The following PADI1 variants were observed in gnomAD, a reference collection of about 807,000 sequenced individuals.
The protein encoded by PADI1 is protein-arginine deiminase type-1.
Under a neutral mutation model 74.8 loss-of-function variants are expected in PADI1, and 65 were observed. The observed-to-expected ratio is 0.87, with a 90% CI of 0.71 to 1.07. The LOEUF (loss-of-function observed/expected upper bound fraction) is 1.07, where lower values mean the gene tolerates loss of function less well. Ranked by LOEUF, PADI1 falls within the 50% of genes least tolerant of loss-of-function variation. The pLI, the probability that PADI1 is intolerant of heterozygous loss-of-function variation, is 0.00. For missense variants in PADI1, 943 were observed against 854.0 expected (o/e 1.10, Z -1.30); for synonymous variants, 371 against 336.2 (o/e 1.10, Z -1.13).
At chr1:17,238,919 G>A (rs3763583) in intron 13 of PADI1, among the ~76,000 whole-genome samples, 1 of 152,100 alleles carries the variant, frequency 6.6e-6, no homozygotes, top group Non-Finnish European at 1.5e-5. Flanking sequence ...GAGTGCCCCA[G>A]GTGCCGGTCA....
At chr1:17,205,400 T>C in intron 1 of PADI1, 91 bp downstream of exon 1, 8 of 932,162 alleles carry the variant, frequency 8.6e-6, no homozygotes, top group Non-Finnish European at 1.4e-5. Context: ...GTCAGGCACG[T>C]TGGAAAGGAT....
At chr1:17,239,502 G>A (rs1423279089) in intron 13 of PADI1, 2 of 547,210 alleles carry the variant, frequency 3.7e-6, no homozygotes, top group Non-Finnish European at 3.3e-6. Context: ...TTCCTGAGGG[G>A]TTCCTTATCC....
In PADI1 at chr1:17,228,821, C is replaced by G. The variant is rs2977233; in HGVS notation, c.825+24C>G. ...GGGTGTGTACAGCACTGGGGGGTGGCCAAGGAGGCTGAGGGGTTTGGGGGC... is the reference window on the plus strand; with the variant it reads ...GGGTGTGTACAGCACTGGGGGGTGGGCAAGGAGGCTGAGGGGTTTGGGGGC... On this transcript the variant is annotated intron_variant, in intron 7 of 15. Coordinates refer to ENST00000375471, the MANE Select transcript of PADI1 (RefSeq NM_013358.3). 604,003 of 1,609,728 alleles carry G rather than the reference C, an allele frequency of 0.38. 115,740 individuals carry two copies. Among genetic ancestry groups the G allele is most frequent in the Middle Eastern group, 0.47 (2,658 of 5,648 alleles).
At chr1:17,220,674 G>C (rs1236271645) in intron 1 of PADI1, among the ~76,000 whole-genome samples, 2 of 152,178 alleles carry the variant, frequency 1.3e-5, no homozygotes, top group African/African-American at 4.8e-5. Flanking sequence ...TGATGTTGGA[G>C]AGCCCTGACT....
intron 4 of PADI1, 74 bp from the exon 5 acceptor site, chr1:17,225,737 C>T (rs575323028): frequency 1.0e-6 from 1 of 975,044 alleles, no homozygotes; most frequent in Admixed American, 2.1e-5. Flanking sequence ...AGCAGCCCGC[C>T]CTGGCCATGT....
intron 1 of PADI1, among the ~76,000 whole-genome samples, chr1:17,210,093 G>A (rs147540429): frequency 6.6e-6 from 1 of 152,230 alleles, no homozygotes; most frequent in East Asian, 1.9e-4. Flanking sequence ...GCCCACCTCG[G>A]CCTCCCAAAG....
chr1:17,228,750 G>A lies in PADI1; in HGVS notation c.778G>A (p.Asp260Asn), dbSNP rs199865290. The change falls in exon 7 of 16, where the codon GAT (aspartate) becomes AAT (asparagine). Residue 260 changes from aspartate (D) to asparagine (N), a missense_variant. Physicochemically the swap from Asp to Asn is conservative, Grantham distance 23 (BLOSUM62 1). Coordinates refer to ENST00000375471, the MANE Select transcript of PADI1 (RefSeq NM_013358.3). Reference protein sequence around the residue: ...YVEGLTFPDADFLGLVSLSVS... With the variant: ...YVEGLTFPDANFLGLVSLSVS... ...GGAGGGGCTGACCTTCCCCGATGCC[G>A]ATTTCCTAGGGCTGGTTTCCCTCAG... 3.3e-5 allele frequency: 53 copies of A among 1,614,174 alleles called. No individual in the cohort carries two copies. The highest frequency in any genetic ancestry group is 1.7e-4 in the Middle Eastern group (1 of 6,060).
chr1:17,239,646 T>A, intron 13 of PADI1, 58 bp from the exon 14 acceptor site: 4 of 1,301,510 alleles, frequency 3.1e-6, no homozygotes, highest in Non-Finnish European at 4.5e-6. Flanking sequence ...AGCCCCAGGC[T>A]GAAGACGGCC....
chr1:17,226,942 T>C (rs1006245159), intron 6 of PADI1, among the ~76,000 whole-genome samples: 1 of 151,504 alleles, frequency 6.6e-6, no homozygotes, highest in Non-Finnish European at 1.5e-5. Context: ...TCCCAGCTGC[T>C]CCGGAGGTTA....
In PADI1 at chr1:17,222,303, G is replaced by T. The variant is rs151277560; in HGVS notation, c.106G>T (p.Gly36Cys). The T allele has an allele frequency of 6.2e-7, 1 of 1,613,866 alleles. No individual in the cohort carries two copies. The highest frequency in any genetic ancestry group is 8.5e-7 in the Non-Finnish European group (1 of 1,179,784). Residue 36 changes from glycine to cysteine, a missense_variant, in exon 2 of 16, where the codon GGT becomes TGT. Transcript: ENST00000375471. ...CTTCTCTGCCAGTGATGTGCCCAAG[G>T]GTGCCAACAGCTTCAGGGTCTCTGG... ...HVDIHSDVPKGANSFRVSGSS... is the reference protein window; with the variant it reads ...HVDIHSDVPKCANSFRVSGSS...
chr1:17,214,777 A>T (rs984051549), intron 1 of PADI1, among the ~76,000 whole-genome samples: 2 of 152,200 alleles, frequency 1.3e-5, no homozygotes, highest in African/African-American at 2.4e-5. Flanking sequence ...CCAGGCCCAC[A>T]GATCTGGGCA....
intron 6 of PADI1, among the ~76,000 whole-genome samples, chr1:17,228,287 T>C (rs574017616): frequency 6.6e-6 from 1 of 152,372 alleles, no homozygotes; most frequent in Admixed American, 6.5e-5. Flanking sequence ...TGGTCATTAC[T>C]TTTTACGAAT....
At chr1:17,206,838 C>T (rs56243216) in intron 1 of PADI1, among the ~76,000 whole-genome samples, 10,801 of 151,922 alleles carry the variant, frequency 0.071, 1,236 homozygotes, top group African/African-American at 0.24. Context: ...CCCACCATCA[C>T]ACTCGGCTAA....
intron 1 of PADI1, among the ~76,000 whole-genome samples, chr1:17,213,815 A>G (rs1239993587): frequency 6.6e-6 from 1 of 152,170 alleles, no homozygotes; most frequent in Non-Finnish European, 1.5e-5. Context: ...GCAGGGGTGG[A>G]GAGTAGTTGG....
intron 1 of PADI1, among the ~76,000 whole-genome samples, chr1:17,206,703 T>C (rs1320243681): frequency 6.9e-6 from 1 of 144,482 alleles, no homozygotes; most frequent in Non-Finnish European, 1.5e-5. Flanking sequence ...TTTTTTTTTT[T>C]TGAGATGGAG....
intron 14 of PADI1, chr1:17,240,357 G>T (rs997350941): frequency 9.2e-6 from 3 of 326,362 alleles, no homozygotes; most frequent in South Asian, 4.5e-5. Context: ...GCTGTGGCTG[G>T]GGCTGGGACA....
intron 9 of PADI1, 140 bp downstream of exon 9, chr1:17,230,348 C>A: frequency 9.9e-7 from 1 of 1,012,090 alleles, no homozygotes; most frequent in Non-Finnish European, 1.4e-6. Context: ...TTTTCCGCTG[C>A]CTGCATCAGC....
intron 1 of PADI1, among the ~76,000 whole-genome samples, chr1:17,219,155 G>A (rs1415953463): frequency 6.6e-6 from 1 of 152,166 alleles, no homozygotes; most frequent in African/African-American, 2.4e-5. Flanking sequence ...GGATCTGATT[G>A]TATAGCTGGA....
intron 2 of PADI1, 138 bp from the exon 3 acceptor site, chr1:17,223,483 C>T (rs191863838): frequency 1.5e-6 from 1 of 684,534 alleles, no homozygotes. Flanking sequence ...GCCCTTGAGT[C>T]TTGGGACTTC....
Sources: allele counts gnomAD v4.1 joint callset (sites outside exome capture counted in the v4.1 genomes callset), GRCh38; gene constraint gnomAD v4.1.1; transcripts MANE v1.5; gene names NCBI Gene and HGNC (gene_info 2026-07-23, HGNC 2026-07-21).